Variants in CDC42BPB observed in about 807,000 individuals in gnomAD.
CDC42BPB encodes the protein serine/threonine-protein kinase MRCK beta.
Under a neutral mutation model 214.9 loss-of-function variants are expected in CDC42BPB, and 37 were observed. The ratio of observed to expected loss-of-function variants is 0.17; its 90% CI spans 0.13 to 0.23. The LOEUF (loss-of-function observed/expected upper bound fraction) is 0.23. CDC42BPB is among the 10% of genes least tolerant of loss of function. The pLI is 1.00. For synonymous variants in CDC42BPB, 931 were observed against 884.0 expected (o/e 1.05, Z -0.94); for missense variants, 1,694 against 2,227.0 (o/e 0.76, Z 4.82).
intron 1 of CDC42BPB, among the ~76,000 whole-genome samples, chr14:103,023,661 A>AT (rs1157317096): frequency 1.3e-5 from 2 of 151,622 alleles, no homozygotes; most frequent in African/African-American, 2.4e-5. Context: ...GTTTTTCTTA[A>AT]TTTTTTCCTT....
intron 23 of CDC42BPB, 147 bp downstream of exon 23, chr14:102,954,051 T>C (rs1892607199): frequency 1.5e-6 from 1 of 649,030 alleles, no homozygotes; most frequent in Non-Finnish European, 2.8e-6. Flanking sequence ...TCAACAACTT[T>C]CCTACAGAAC....
chr14:103,033,796 A>G (rs965720708), intron 1 of CDC42BPB, among the ~76,000 whole-genome samples: 3 of 152,188 alleles, frequency 2.0e-5, no homozygotes, highest in Non-Finnish European at 4.4e-5. Context: ...AAATACCCAA[A>G]ACAGGAAGAT....
intron 1 of CDC42BPB, among the ~76,000 whole-genome samples, chr14:103,015,033 A>G (rs1054598816): frequency 5.9e-5 from 9 of 152,160 alleles, no homozygotes; most frequent in Non-Finnish European, 1.3e-4. Flanking sequence ...ACATTTTGTT[A>G]ATTACGTAGT....
intron 1 of CDC42BPB, among the ~76,000 whole-genome samples, chr14:103,033,307 C>T (rs576706600): frequency 5.0e-4 from 76 of 152,210 alleles, no homozygotes; most frequent in Admixed American, 2.7e-3. Flanking sequence ...CTGCAAGCCC[C>T]GCCTTCTGGG....
At chr14:102,951,068 C>T (rs1892469403) in intron 24 of CDC42BPB, among the ~76,000 whole-genome samples, 1 of 152,216 alleles carries the variant, frequency 6.6e-6, no homozygotes, top group African/African-American at 2.4e-5. Flanking sequence ...AGAATCCACA[C>T]AAAAGCTCAG....
rs1345012277 is a variant in CDC42BPB, at chr14:102,933,136, T to C, written c.*576A>G. 1 of 152,524 alleles carries C rather than the reference T, an allele frequency of 6.6e-6. No homozygotes were observed. Among genetic ancestry groups the C allele is most frequent in the African/African-American group, 2.4e-5 (1 of 41,462 alleles). 9.4% of individuals were successfully genotyped at this position (152,524 alleles called of 1,614,324 possible). On this transcript the variant is annotated 3_prime_UTR_variant, in exon 37 of 37. Transcript: ENST00000361246. Reference sequence around the variant, plus strand: ...TGCACACAGGGACGCAGGGTGTCACTGGTCCTGGGCCTTTGTCCATGACTA... The same window carrying C: ...TGCACACAGGGACGCAGGGTGTCACCGGTCCTGGGCCTTTGTCCATGACTA...
intron 1 of CDC42BPB, among the ~76,000 whole-genome samples, chr14:103,047,903 CA>C (rs376515642): frequency 1.6e-4 from 20 of 127,700 alleles, no homozygotes; most frequent in African/African-American, 1.6e-4. Context: ...ACTCTGTGTC[CA>C]AAAAAAAAAG....
chr14:102,981,804 A>T lies in CDC42BPB; in HGVS notation c.892-783T>A, dbSNP rs1334838205. ...AAACAAAAAAGATGGGGCACAAAGA[A>T]AAAGGAACATGTCTGTGTGCTGCTA... On this transcript the variant is annotated intron_variant, in intron 7 of 36. Transcript: ENST00000361246. Among the ~76,000 whole-genome samples the T allele has an allele frequency of 2.0e-5, 3 of 152,306 alleles. No homozygotes were observed. The East Asian group carries it at 5.8e-4, about 29-fold the overall frequency.
At chr14:102,964,881 G>T in intron 18 of CDC42BPB, 1 of 564,944 alleles carries the variant, frequency 1.8e-6, no homozygotes, top group Non-Finnish European at 2.2e-6. Flanking sequence ...TTATCTTTTA[G>T]AAGAATAAAA....
rs1234783943 is a variant in CDC42BPB at position 102,975,797 on chromosome 14, G to C, written c.1394C>G (p.Thr465Ser). ...LELSRKLQES[T>S]QTVQSLHGSS... ...GCCGTGGAGGGACTGCACGGTCTGG[G>C]TGGACTCTGAGGGATGGAGAGACAG... The change falls in exon 11 of 37, where the codon ACC becomes AGC. Residue 465 changes from threonine (T) to serine (S), a missense_variant. Thr to Ser is a moderately conservative substitution (Grantham distance 58, BLOSUM62 1). Transcript: ENST00000361246. 3.5e-5 allele frequency: 56 copies of C among 1,614,194 alleles called. No homozygotes were observed. The highest frequency in any genetic ancestry group is 4.7e-5 in the Non-Finnish European group (56 of 1,180,036).
intron 34 of CDC42BPB, among the ~76,000 whole-genome samples, 168 bp downstream of exon 34, chr14:102,939,442 G>A (rs1445178237): frequency 6.6e-6 from 1 of 152,236 alleles, no homozygotes; most frequent in Non-Finnish European, 1.5e-5. Context: ...GTAAGTGCTC[G>A]TGAACAGAGC....
intron 1 of CDC42BPB, among the ~76,000 whole-genome samples, chr14:103,036,231 C>A (rs999446413): frequency 3.3e-5 from 5 of 150,764 alleles, no homozygotes; most frequent in Non-Finnish European, 5.9e-5. Flanking sequence ...CAGCTCACTG[C>A]AAGCTCCCCC....
intron 2 of CDC42BPB, among the ~76,000 whole-genome samples, chr14:103,009,504 C>A (rs1185592012): frequency 6.6e-6 from 1 of 152,218 alleles, no homozygotes; most frequent in African/African-American, 2.4e-5. Flanking sequence ...GGACAGGCTC[C>A]CTTCAATCAG....
intron 1 of CDC42BPB, among the ~76,000 whole-genome samples, chr14:103,040,561 C>T (rs985819083): frequency 1.3e-5 from 2 of 151,902 alleles, no homozygotes; most frequent in Admixed American, 6.6e-5. Flanking sequence ...CGGGTTCAGG[C>T]GATTCTTTCA....
rs989931549 is a variant in CDC42BPB, at chr14:103,025,484, CA to C, written c.176-13297del. Among the ~76,000 whole-genome samples, 12 of 147,532 alleles carry C rather than the reference CA, an allele frequency of 8.1e-5. No homozygotes were observed. The Middle Eastern group carries it at 0.01, about 129-fold the overall frequency. ...AGAAGAGTGGATAACCTGTAGTATTCATGTAATGAACTAGTACACATTAAAA... is the reference window on the plus strand; with the variant it reads ...AGAAGAGTGGATAACCTGTAGTATTCTGTAATGAACTAGTACACATTAAAA... On this transcript the variant is annotated intron_variant, in intron 1 of 36. Transcript: ENST00000361246.
intron 36 of CDC42BPB, among the ~76,000 whole-genome samples, chr14:102,935,047 TCAG>T (rs897272845): frequency 4.1e-4 from 61 of 149,298 alleles, no homozygotes; most frequent in Non-Finnish European, 7.1e-4. Context: ...AGAAAAAAGA[TCAG>T]CAACAAGGCA....
At chr14:103,055,119 G>C (rs1595204477) in intron 1 of CDC42BPB, among the ~76,000 whole-genome samples, 2 of 152,256 alleles carry the variant, frequency 1.3e-5, no homozygotes, top group South Asian at 4.1e-4. Flanking sequence ...AAGATCGAGT[G>C]ATCAGAAAGG....
chr14:103,007,672 C>T (rs1296602816), intron 3 of CDC42BPB, among the ~76,000 whole-genome samples: 2 of 152,316 alleles, frequency 1.3e-5, no homozygotes, highest in African/African-American at 2.4e-5. Context: ...CAGAGACACA[C>T]GGGGCCACAG....
At chr14:103,037,948 G>A (rs1173780839) in intron 1 of CDC42BPB, among the ~76,000 whole-genome samples, 1 of 151,624 alleles carries the variant, frequency 6.6e-6, no homozygotes, top group African/African-American at 2.4e-5. Flanking sequence ...AGAATGGTGT[G>A]AACCCGGGAG....
Sources: gnomAD v4.1 joint callset for allele counts (sites outside exome capture counted in the v4.1 genomes callset) on GRCh38, gnomAD v4.1.1 for gene constraint, MANE v1.5 for transcripts, NCBI Gene and HGNC (gene_info 2026-07-23, HGNC 2026-07-21) for gene names.